The following ZNF431 variants were observed in gnomAD, a reference collection of about 807,000 sequenced individuals.
ZNF431 encodes the protein zinc finger protein 431.
ZNF431 carries 34 observed loss-of-function variants against 57.0 expected under a neutral mutation model. The ratio of observed to expected loss-of-function variants is 0.60; its 90% CI spans 0.45 to 0.79. The LOEUF (loss-of-function observed/expected upper bound fraction) is 0.79. ZNF431 is among the 30% of genes least tolerant of loss of function. The probability of loss-of-function intolerance (pLI) is 0.00; values close to 1 mark genes in which losing one functional copy is unlikely to be tolerated. For missense variants in ZNF431, 607 were observed against 667.1 expected, an observed-to-expected ratio of 0.91 and a Z score of 0.99; for synonymous variants, 207 against 220.3, an observed-to-expected ratio of 0.94 and a Z score of 0.54.
chr19:21,173,138 G>C (rs1043152151), intron 4 of ZNF431, among the ~76,000 whole-genome samples: 2 of 152,120 alleles, frequency 1.3e-5, no homozygotes, highest in Non-Finnish European at 2.9e-5. Context: ...TTTGATTTCT[G>C]TGATATTTCA....
chr19:21,192,714 T>C lies in ZNF431; in HGVS notation c.*8680T>C, dbSNP rs1434154921. ...AACATATCCCTGTTTAGTATGTTGT[T>C]AGCAGTTTTTTTGGTTATATATGGC... On this transcript the variant is annotated 3_prime_UTR_variant, in exon 5 of 5. Coordinates refer to ENST00000311048, the MANE Select transcript of ZNF431 (RefSeq NM_133473.4). 6.6e-6 allele frequency: 1 copy of C among 152,194 alleles called. No individual in the cohort carries two copies. The highest frequency in any genetic ancestry group is 1.5e-5 in the Non-Finnish European group (1 of 68,040). 9.4% of individuals were successfully genotyped at this position (152,194 alleles called of 1,614,324 possible).
rs1265723537 is a variant in ZNF431, at chr19:21,184,512, C to T, written c.*478C>T. ...TTGACAACGCCTCAAACTTTTCTAACCATAAAAGTAATTATACTGGTGAGA... is the reference window on the plus strand; with the variant it reads ...TTGACAACGCCTCAAACTTTTCTAATCATAAAAGTAATTATACTGGTGAGA... On this transcript the variant is annotated 3_prime_UTR_variant, in exon 5 of 5. Transcript: ENST00000311048. The T allele has an allele frequency of 6.5e-6, 1 of 154,400 alleles. No homozygotes were observed. Among genetic ancestry groups the T allele is most frequent in the Non-Finnish European group, 1.5e-5 (1 of 68,894 alleles). 9.6% of individuals were successfully genotyped at this position (154,400 alleles called of 1,614,324 possible). A position where few individuals can be genotyped will look rare whatever the true frequency, so the allele number is the denominator to read the frequency against.
intron 4 of ZNF431, among the ~76,000 whole-genome samples, chr19:21,179,146 T>G (rs1053880185): frequency 6.6e-6 from 1 of 152,222 alleles, no homozygotes; most frequent in African/African-American, 2.4e-5. Flanking sequence ...TGTTCCAGTT[T>G]ATGTGCACAG....
intron 4 of ZNF431, among the ~76,000 whole-genome samples, chr19:21,171,963 A>T (rs1316657588): frequency 6.6e-6 from 1 of 150,986 alleles, no homozygotes; most frequent in Non-Finnish European, 1.5e-5. Context: ...CTCGTGATCC[A>T]CCTGCCTTGG....
chr19:21,155,911 T>C (rs1469871385), intron 2 of ZNF431, among the ~76,000 whole-genome samples: 1 of 152,072 alleles, frequency 6.6e-6, no homozygotes, highest in Non-Finnish European at 1.5e-5. Flanking sequence ...TCACACTACC[T>C]ATTGTCTTGG....
intron 2 of ZNF431, among the ~76,000 whole-genome samples, chr19:21,157,295 G>T (rs576597430): frequency 6.6e-6 from 1 of 151,914 alleles, no homozygotes; most frequent in Non-Finnish European, 1.5e-5. Context: ...GTGCCATCAC[G>T]CCCGGCTAAT....
chr19:21,145,434 G>A (rs950295170), intron 2 of ZNF431, among the ~76,000 whole-genome samples: 3 of 152,168 alleles, frequency 2.0e-5, no homozygotes, highest in Non-Finnish European at 4.4e-5. Context: ...CCAAGATCGC[G>A]CCACTGCACT....
In ZNF431 at chr19:21,189,808, A is replaced by G. The variant is rs143572910; in HGVS notation, c.*5774A>G. On this transcript the variant is annotated 3_prime_UTR_variant, in exon 5 of 5. Transcript: ENST00000311048. Reference sequence around the variant, plus strand: ...TGCCTTGCTTATCCCAACTAATACAATGTCCTCCAACTTCATCCATGTGAT... The same window carrying G: ...TGCCTTGCTTATCCCAACTAATACAGTGTCCTCCAACTTCATCCATGTGAT... 2.0e-3 allele frequency: 775 copies of G among 396,764 alleles called. 11 individuals are homozygous for G. The highest frequency in any genetic ancestry group is 0.015 in the African/African-American group (711 of 48,642). 24.6% of individuals were successfully genotyped at this position (396,764 alleles called of 1,614,324 possible).
chr19:21,142,594 G>A (rs1599568067), intron 1 of ZNF431, among the ~76,000 whole-genome samples: 1 of 152,180 alleles, frequency 6.6e-6, no homozygotes, highest in Non-Finnish European at 1.5e-5. Context: ...ATATATGGGA[G>A]TCACTATAAA....
Position 21,189,987 on chromosome 19 carries a change from TACAAAAACAACAAA to T in ZNF431, c.*5964_*5977del, listed in dbSNP as rs892637708. The T allele has an allele frequency of 2.5e-6, 1 of 396,246 alleles. No homozygotes were observed. The highest frequency in any genetic ancestry group is 2.1e-5 in the African/African-American group (1 of 48,482). 24.5% of individuals were successfully genotyped at this position (396,246 alleles called of 1,614,324 possible). On this transcript the variant is annotated 3_prime_UTR_variant, in exon 5 of 5. Coordinates refer to ENST00000311048, the MANE Select transcript of ZNF431 (RefSeq NM_133473.4). ...GGAAAAACCCCATCTCTACTAAAAA[TACAAAAACAACAAA>T]ACAAAAACAAAAAACACCTCAGCTG...
chr19:21,189,487 A>C lies in ZNF431; in HGVS notation c.*5453A>C, dbSNP rs557225140. The C allele has an allele frequency of 6.5e-6, 1 of 154,266 alleles. No homozygotes were observed. The highest frequency in any genetic ancestry group is 2.1e-4 in the South Asian group (1 of 4,840). The allele number at this position is 154,266 out of a possible 1,614,324, so 9.6% of individuals were successfully genotyped here. The stretch of plus-strand genomic sequence containing the variant: ...GACAGAGTGACTATCAAAAAAAAAA[A>C]AAACTTTACCTCATATGGTGAACAT... On this transcript the variant is annotated 3_prime_UTR_variant, in exon 5 of 5. Coordinates refer to ENST00000311048, the MANE Select transcript of ZNF431 (RefSeq NM_133473.4).
intron 2 of ZNF431, among the ~76,000 whole-genome samples, chr19:21,148,652 A>G (rs1970177662): frequency 6.6e-6 from 1 of 152,216 alleles, no homozygotes; most frequent in African/African-American, 2.4e-5. Flanking sequence ...TTTATCAAAA[A>G]CATATTTCAC....
At chr19:21,143,723 C>A in intron 2 of ZNF431, 80 bp downstream of exon 2, 1 of 1,002,244 alleles carries the variant, frequency 1.0e-6, no homozygotes, top group Non-Finnish European at 1.6e-6. Context: ...TCAGCCAGTC[C>A]GATGCTGGCA....
Position 21,183,556 on chromosome 19 carries a change from A to T in ZNF431, c.1253A>T (p.His418Leu). Residue 418 changes from histidine (H) to leucine (L), a missense_variant, in exon 5 of 5, where the codon CAT becomes CTT. Physicochemically the swap from His to Leu is moderately conservative, Grantham distance 99. Transcript: ENST00000311048. ...AATGAGTCCTCAAACCTTACTACAC[A>T]TAAGATGATTCATACTGGAGAGAAA... ...AFNESSNLTT[H>L]KMIHTGEKPY... 6.2e-7 allele frequency: 1 copy of T among 1,613,566 alleles called. No homozygotes were observed. Among genetic ancestry groups the T allele is most frequent in the Non-Finnish European group, 8.5e-7 (1 of 1,179,960 alleles).
rs1298100463 is a variant in ZNF431, at chr19:21,184,321, G to A, written c.*287G>A. ...GCCAAGATTGTACCACTGCACTCCAGTTTGGCAACAGAGTGAGACTCCGTC... is the reference window on the plus strand; with the variant it reads ...GCCAAGATTGTACCACTGCACTCCAATTTGGCAACAGAGTGAGACTCCGTC... On this transcript the variant is annotated 3_prime_UTR_variant, in exon 5 of 5. Coordinates refer to ENST00000311048, the MANE Select transcript of ZNF431 (RefSeq NM_133473.4). 1 of 239,496 alleles carries A rather than the reference G, an allele frequency of 4.2e-6. No individual in the cohort carries two copies. Among genetic ancestry groups the A allele is most frequent in the East Asian group, 8.5e-5 (1 of 11,818 alleles). The allele number at this position is 239,496 out of a possible 1,614,324, so 14.8% of individuals were successfully genotyped here.
intron 1 of ZNF431, 126 bp from the exon 2 acceptor site, chr19:21,143,425 C>G: frequency 1.4e-6 from 1 of 720,650 alleles, no homozygotes; most frequent in Non-Finnish European, 2.4e-6. Flanking sequence ...GTGTCCTCAG[C>G]CACCTTTTAG....
intron 4 of ZNF431, among the ~76,000 whole-genome samples, chr19:21,180,572 C>T (rs1017238651): frequency 6.8e-6 from 1 of 147,482 alleles, no homozygotes; most frequent in Non-Finnish European, 1.5e-5. Context: ...GTTTTGTGTA[C>T]TTACGCAAAC....
At position 21,143,547 on chromosome 19, in the gene ZNF431, A is replaced by G. The variant is rs376252514; in HGVS notation, c.4-4A>G. 1.2e-5 allele frequency: 19 copies of G among 1,611,808 alleles called. No homozygotes were observed. Among genetic ancestry groups the G allele is most frequent in the Admixed American group, 5.0e-5 (3 of 59,986 alleles). On this transcript the variant is annotated splice_polypyrimidine_tract_variant and splice_region_variant and intron_variant, in intron 1 of 4. Coordinates refer to ENST00000311048, the MANE Select transcript of ZNF431 (RefSeq NM_133473.4). ...ATCAGCTTCTGGTTTATTTTCTTCC[A>G]TAGGACGACTTGAAATATGGAGTGT...
Position 21,183,943 on chromosome 19 carries a change from A to G in ZNF431, c.1640A>G (p.Asn547Ser), listed in dbSNP as rs1330201339. The stretch of plus-strand genomic sequence containing the variant: ...CCCTACAACTGTGAAGAATGTGACA[A>G]TACATTTAACCAGTCCTCAAACCTT... ...QKPYNCEECD[N>S]TFNQSSNLIK... is the part of the protein sequence containing the mutation. The change falls in exon 5 of 5, where the codon AAT becomes AGT. Residue 547 changes from asparagine to serine, a missense_variant. Transcript: ENST00000311048. 2.5e-6 allele frequency: 4 copies of G among 1,611,606 alleles called. No individual in the cohort carries two copies. The African/African-American group carries it at 4.0e-5, about 16-fold the overall frequency.
Sources: gnomAD v4.1 joint callset for allele counts (sites outside exome capture counted in the v4.1 genomes callset) on GRCh38, gnomAD v4.1.1 for gene constraint, MANE v1.5 for transcripts, NCBI Gene and HGNC (gene_info 2026-07-23, HGNC 2026-07-21) for gene names.